SF3A3: variants seen among roughly 807,000 people sequenced by gnomAD.
SF3A3 encodes splicing factor 3a subunit 3.
In SF3A3, 9 loss-of-function variants were observed where a neutral mutation model predicts 85.8. That is an observed-to-expected ratio of 0.10 (90% CI 0.06 to 0.18). SF3A3 has a LOEUF of 0.18. SF3A3 is among the 10% of genes least tolerant of loss of function. The probability of loss-of-function intolerance (pLI) is 1.00; values close to 1 mark genes in which losing one functional copy is unlikely to be tolerated. For missense variants in SF3A3, 306 were observed against 593.3 expected, an observed-to-expected ratio of 0.52 and a Z score of 5.03; for synonymous variants, 195 against 204.4, an observed-to-expected ratio of 0.95 and a Z score of 0.39.
chr1:37,985,470 CAG>C (rs1646449919), intron 4 of SF3A3, among the ~76,000 whole-genome samples: 1 of 151,990 alleles, frequency 6.6e-6, no homozygotes, highest in South Asian at 2.1e-4. Context: ...GGGCAGGTAT[CAG>C]TACTTTTTAA....
chr1:37,978,456 C>T (rs1035201816), intron 11 of SF3A3, among the ~76,000 whole-genome samples: 7 of 152,070 alleles, frequency 4.6e-5, no homozygotes, highest in Admixed American at 1.3e-4. Context: ...AGCCTTTTAG[C>T]CTCCATAACC....
At chr1:37,979,636 G>T in intron 8 of SF3A3, 103 bp from the exon 9 acceptor site, 1 of 750,678 alleles carries the variant, frequency 1.3e-6, no homozygotes. Flanking sequence ...TAGGTGAATT[G>T]CTTGAGTTCA....
chr1:37,986,612 C>G (rs1475867924), intron 4 of SF3A3, among the ~76,000 whole-genome samples: 1 of 151,990 alleles, frequency 6.6e-6, no homozygotes, highest in Non-Finnish European at 1.5e-5. Context: ...GAGATAGAGA[C>G]TATCCTGGCT....
At chr1:37,975,592 ACTGGCAATTCAGC>A (rs1646373687) in intron 12 of SF3A3, among the ~76,000 whole-genome samples, 1 of 151,938 alleles carries the variant, frequency 6.6e-6, no homozygotes, top group Non-Finnish European at 1.5e-5. Flanking sequence ...CACTCACAAG[ACTGGCAATTCAGC>A]CTGCTGTCCA....
At chr1:37,985,462 G>A (rs1294638314) in intron 4 of SF3A3, among the ~76,000 whole-genome samples, 1 of 150,966 alleles carries the variant, frequency 6.6e-6, no homozygotes, top group Non-Finnish European at 1.5e-5. Context: ...TCAAAGGAGG[G>A]CAGGTATCAG....
At chr1:37,979,264 G>A (rs1317389953) in intron 9 of SF3A3, 10 of 618,832 alleles carry the variant, frequency 1.6e-5, no homozygotes, top group African/African-American at 5.5e-5. Context: ...ACTTTACTAC[G>A]GCTTAATGTA....
intron 11 of SF3A3, among the ~76,000 whole-genome samples, chr1:37,977,964 C>T (rs1009833508): frequency 6.6e-6 from 1 of 152,056 alleles, no homozygotes; most frequent in Non-Finnish European, 1.5e-5. Flanking sequence ...TTGCAGTGAG[C>T]CGAGATTGTG....
At chr1:37,960,210 A>C (rs756187376) in intron 15 of SF3A3, 35 bp from the exon 16 acceptor site, 1 of 1,597,222 alleles carries the variant, frequency 6.3e-7, no homozygotes, top group Non-Finnish European at 8.6e-7. Flanking sequence ...ATCAGGATGG[A>C]CTGAACATCT....
intron 7 of SF3A3, 150 bp from the exon 8 acceptor site, chr1:37,980,874 A>C (rs1450273207): frequency 2.1e-6 from 1 of 481,296 alleles, no homozygotes; most frequent in Admixed American, 6.3e-5. Context: ...TTTGAGGCAG[A>C]GTTTCGCTCC....
At chr1:37,973,135 T>C (rs1249841587) in intron 12 of SF3A3, among the ~76,000 whole-genome samples, 1 of 151,852 alleles carries the variant, frequency 6.6e-6, no homozygotes, top group Non-Finnish European at 1.5e-5. Context: ...GCTGGGATCA[T>C]GCCACTACAC....
intron 2 of SF3A3, 142 bp from the exon 3 acceptor site, chr1:37,987,978 C>G: frequency 1.4e-6 from 1 of 713,224 alleles, no homozygotes; most frequent in Non-Finnish European, 2.5e-6. Flanking sequence ...TCTGTGCTTC[C>G]TAGTACCTTT....
At chr1:37,962,420 A>G (rs1646267458) in intron 15 of SF3A3, among the ~76,000 whole-genome samples, 1 of 151,540 alleles carries the variant, frequency 6.6e-6, no homozygotes, top group Admixed American at 6.6e-5. Context: ...CCTGACCAAC[A>G]TGGAGAAACC....
chr1:37,978,462 T>C (rs551399226), intron 11 of SF3A3, among the ~76,000 whole-genome samples: 2 of 152,238 alleles, frequency 1.3e-5, no homozygotes, highest in South Asian at 4.1e-4. Flanking sequence ...TTAGCCTCCA[T>C]AACCTATTAA....
At chr1:37,978,454 A>G (rs61776716) in intron 11 of SF3A3, among the ~76,000 whole-genome samples, 13,792 of 152,254 alleles carry the variant, frequency 0.091, 783 homozygotes, top group Middle Eastern at 0.24. Flanking sequence ...TTAGCCTTTT[A>G]GCCTCCATAA....
intron 11 of SF3A3, 91 bp from the exon 12 acceptor site, chr1:37,977,044 T>C: frequency 1.2e-6 from 1 of 863,652 alleles, no homozygotes. Context: ...CACAACTGCA[T>C]TAAAAATTAT....
rs374095826 is a variant in SF3A3 at position 37,984,733 on chromosome 1, C to T, written c.350G>A (p.Arg117Gln). The change falls in exon 5 of 17, where the codon CGA becomes CAA. Residue 117 changes from arginine (R) to glutamine (Q), a missense_variant. Physicochemically the swap from Arg to Gln is conservative, Grantham distance 43. Transcript: ENST00000373019. ...TTGTGCCTCTTCACTTGGATTCTCT[C>T]GAGCCTTCAGGAGTTCCTCAAATTC... ...SVEFEELLKA[R>Q]ENPSEEAQNL... 1.1e-5 allele frequency: 18 copies of T among 1,613,718 alleles called. No homozygotes were observed. The highest frequency in any genetic ancestry group is 6.6e-5 in the South Asian group (6 of 91,078).
chr1:37,962,084 CAAAAA>C (rs869202798), intron 15 of SF3A3, among the ~76,000 whole-genome samples: 5 of 43,252 alleles, frequency 1.2e-4, no homozygotes, highest in African/African-American at 4.3e-4. Context: ...AACTCCGTCT[CAAAAA>C]AACAAAACAA....
At chr1:37,977,689 A>G (rs1285655966) in intron 11 of SF3A3, among the ~76,000 whole-genome samples, 1 of 151,918 alleles carries the variant, frequency 6.6e-6, no homozygotes, top group African/African-American at 2.4e-5. Flanking sequence ...AAATACAAAA[A>G]CTAGCCAGGC....
chr1:37,957,927 A>G lies in SF3A3; in HGVS notation c.*259T>C, dbSNP rs1438953175. ...AGAGGTATGGAGGCGTTAAGACCTGAAGCACTGAGTTGGTCCATAACCCTG... is the reference window on the plus strand; with the variant it reads ...AGAGGTATGGAGGCGTTAAGACCTGGAGCACTGAGTTGGTCCATAACCCTG... On this transcript the variant is annotated 3_prime_UTR_variant, in exon 17 of 17. Coordinates refer to ENST00000373019, the MANE Select transcript of SF3A3 (RefSeq NM_006802.4). 1 of 431,126 alleles carries G rather than the reference A, an allele frequency of 2.3e-6. No homozygotes were observed. Among genetic ancestry groups the G allele is most frequent in the Non-Finnish European group, 4.2e-6 (1 of 240,812 alleles). 26.7% of individuals were successfully genotyped at this position (431,126 alleles called of 1,614,324 possible).
Sources: allele counts gnomAD v4.1 joint callset (sites outside exome capture counted in the v4.1 genomes callset), GRCh38; gene constraint gnomAD v4.1.1; transcripts MANE v1.5; gene names NCBI Gene and HGNC (gene_info 2026-07-23, HGNC 2026-07-21).